The following DHRS7B variants were observed in gnomAD, a reference collection of about 807,000 sequenced individuals.
DHRS7B encodes peroxisomal reductase activating PPAR-gamma.
DHRS7B carries 24 observed loss-of-function variants against 26.4 expected under a neutral mutation model. The observed-to-expected ratio is 0.91, with a 90% confidence interval of 0.66 to 1.28. DHRS7B has a LOEUF of 1.28. Ranked by LOEUF, DHRS7B falls within the 50% of genes most tolerant of loss-of-function variation. The pLI is 0.00. For missense variants in DHRS7B, 368 were observed against 419.4 expected (o/e 0.88, Z 1.07); for synonymous variants, 142 against 166.4 (o/e 0.85, Z 1.13).
chr17:21,138,078 AT>A lies in DHRS7B; in HGVS notation c.20+11088del, dbSNP rs1278994660. On this transcript the variant is annotated intron_variant, in intron 1 of 6. Transcript: ENST00000395511. Reference sequence around the variant, plus strand: ...GCCCGGCCTCTTTTAAAAAAAAAATATATATATATATATATATATATATACA... The same window carrying A: ...GCCCGGCCTCTTTTAAAAAAAAAATAATATATATATATATATATATATACA... 6.5e-3 allele frequency among the ~76,000 whole-genome samples: 342 copies of A among 52,854 alleles called. 3 individuals are homozygous for A. The highest frequency in any genetic ancestry group is 0.021 in the Middle Eastern group (2 of 94). 34.7% of individuals were successfully genotyped at this position (52,854 alleles called of 152,430 possible).
intron 1 of DHRS7B, among the ~76,000 whole-genome samples, chr17:21,151,457 G>C (rs1041401757): frequency 4.7e-5 from 7 of 147,846 alleles, no homozygotes; most frequent in African/African-American, 1.5e-4. Flanking sequence ...AGTTGGCAGT[G>C]AGCCGAGATC....
chr17:21,160,674 A>G (rs572201144), intron 1 of DHRS7B, among the ~76,000 whole-genome samples: 1 of 152,236 alleles, frequency 6.6e-6, no homozygotes, highest in Admixed American at 6.5e-5. Flanking sequence ...GTTTCTTACA[A>G]AATGAAATGT....
chr17:21,187,308 C>G (rs1454716914), intron 5 of DHRS7B, among the ~76,000 whole-genome samples: 1 of 151,450 alleles, frequency 6.6e-6, no homozygotes, highest in Non-Finnish European at 1.5e-5. Flanking sequence ...GCCTGGGTAA[C>G]AGAGAAGATG....
At chr17:21,166,579 C>A in intron 1 of DHRS7B, 2 of 539,096 alleles carry the variant, frequency 3.7e-6, no homozygotes, top group Non-Finnish European at 4.7e-6. Context: ...CCTTTACTTT[C>A]TGAAAATGAC....
chr17:21,185,660 A>G (rs1227127959), intron 5 of DHRS7B, among the ~76,000 whole-genome samples: 1 of 152,174 alleles, frequency 6.6e-6, no homozygotes, highest in Non-Finnish European at 1.5e-5. Flanking sequence ...ATGAGTTAAA[A>G]TGTTAATAAT....
At chr17:21,175,070 GTCTAC>G (rs1567627337) in intron 2 of DHRS7B, among the ~76,000 whole-genome samples, 1 of 152,210 alleles carries the variant, frequency 6.6e-6, no homozygotes, top group Admixed American at 6.5e-5. Context: ...TCTAGATTGA[GTCTAC>G]TTAGCACCTC....
At position 21,188,761 on chromosome 17, in the gene DHRS7B, G is replaced by T; in HGVS notation, c.670G>T (p.Glu224Ter). 6.2e-7 allele frequency: 1 copy of T among 1,613,322 alleles called. No individual in the cohort carries two copies. The highest frequency in any genetic ancestry group is 8.5e-7 in the Non-Finnish European group (1 of 1,179,734). Residue 224 changes from glutamate to a stop codon, truncating the protein, a stop_gained, in exon 6 of 7, where the codon GAG (glutamate) becomes TAG (stop). Transcript: ENST00000395511. LOFTEE classifies it high-confidence loss of function. ...TQAFFDCLRAEMEQYEIEVTV... is the reference protein window; with the variant it reads ...TQAFFDCLRA ...GGCTTTCTTTGACTGTCTGCGTGCC[G>T]AGATGGAACAGTATGAAATTGAGGT...
At chr17:21,174,948 C>T (rs753973939) in intron 2 of DHRS7B, among the ~76,000 whole-genome samples, 4 of 152,166 alleles carry the variant, frequency 2.6e-5, no homozygotes, top group Non-Finnish European at 5.9e-5. Context: ...AGGGTTGGGG[C>T]GCTGGGACCA....
intron 1 of DHRS7B, among the ~76,000 whole-genome samples, chr17:21,140,692 A>G (rs1373840389): frequency 2.6e-5 from 4 of 152,196 alleles, no homozygotes; most frequent in African/African-American, 9.7e-5. Flanking sequence ...AAGAAAAAAT[A>G]GAGAAAAAGA....
chr17:21,132,127 G>A (rs1973242536), intron 1 of DHRS7B, among the ~76,000 whole-genome samples: 1 of 152,088 alleles, frequency 6.6e-6, no homozygotes, highest in Non-Finnish European at 1.5e-5. Flanking sequence ...AACTAGAATA[G>A]GTTCAGAGTG....
intron 1 of DHRS7B, among the ~76,000 whole-genome samples, chr17:21,136,339 C>G (rs1343688854): frequency 1.3e-5 from 2 of 148,798 alleles, no homozygotes; most frequent in East Asian, 4.0e-4. Context: ...ACTTGGTGTC[C>G]TGTTTTAGAT....
intron 1 of DHRS7B, among the ~76,000 whole-genome samples, chr17:21,129,382 A>G (rs1382184253): frequency 6.6e-6 from 1 of 152,032 alleles, no homozygotes; most frequent in Non-Finnish European, 1.5e-5. Flanking sequence ...AGGTCTTGAG[A>G]CTAGGAGGAG....
At chr17:21,171,920 G>T (rs761174587) in intron 1 of DHRS7B, 98 bp from the exon 2 acceptor site, 1 of 1,446,058 alleles carries the variant, frequency 6.9e-7, no homozygotes, top group Non-Finnish European at 9.7e-7. Flanking sequence ...GTCCACAGAG[G>T]GAGATCTGGG....
Position 21,175,925 on chromosome 17 carries a change from TCA to T in DHRS7B, c.200-2307_200-2306del, listed in dbSNP as rs1491290713. 8.5e-4 allele frequency among the ~76,000 whole-genome samples: 44 copies of T among 51,930 alleles called. No individual in the cohort carries two copies. In the East Asian group the frequency reaches 0.012, roughly 14 times the overall value. The allele number at this position is 51,930 out of a possible 152,430, so 34.1% of individuals were successfully genotyped here. Reference sequence around the variant, plus strand: ...CCTGGGTGCAGAGCGAGACCCTGTATCAAAAAAAAAAAAAAAAAAAGTAAAAA... The same window carrying T: ...CCTGGGTGCAGAGCGAGACCCTGTATAAAAAAAAAAAAAAAAAAGTAAAAA... On this transcript the variant is annotated intron_variant, in intron 2 of 6. Coordinates refer to ENST00000395511, the MANE Select transcript of DHRS7B (RefSeq NM_015510.5).
intron 1 of DHRS7B, among the ~76,000 whole-genome samples, chr17:21,163,885 T>A (rs942254158): frequency 1.1e-4 from 16 of 152,046 alleles, no homozygotes; most frequent in African/African-American, 3.9e-4. Flanking sequence ...GACGGGGTTT[T>A]ACCATGTTGC....
intron 1 of DHRS7B, chr17:21,166,573 TAC>T: frequency 3.2e-6 from 2 of 633,670 alleles, no homozygotes; most frequent in Non-Finnish European, 2.0e-6. Flanking sequence ...ACCCTGCCTT[TAC>T]TTTCTGAAAA....
intron 3 of DHRS7B, among the ~76,000 whole-genome samples, chr17:21,179,870 G>A (rs1487737605): frequency 6.6e-6 from 1 of 150,800 alleles, no homozygotes; most frequent in African/African-American, 2.5e-5. Flanking sequence ...GGGTTCAAGC[G>A]ATTCTCCTGC....
intron 2 of DHRS7B, among the ~76,000 whole-genome samples, chr17:21,177,154 C>A (rs963759802): frequency 1.3e-5 from 2 of 152,154 alleles, no homozygotes; most frequent in African/African-American, 4.8e-5. Context: ...AGGCTGATCA[C>A]GGCCTTCCCT....
At chr17:21,174,279 A>G (rs190397381) in intron 2 of DHRS7B, among the ~76,000 whole-genome samples, 27 of 152,252 alleles carry the variant, frequency 1.8e-4, no homozygotes, top group Middle Eastern at 3.4e-3. Context: ...TGTTTCTCCT[A>G]TCTTGTCTCT....
Sources: gnomAD v4.1 joint callset for allele counts (sites outside exome capture counted in the v4.1 genomes callset) on GRCh38, gnomAD v4.1.1 for gene constraint, MANE v1.5 for transcripts, NCBI Gene and HGNC (gene_info 2026-07-23, HGNC 2026-07-21) for gene names.